Variants in CHAF1A observed in about 807,000 individuals in gnomAD.
CHAF1A encodes chromatin assembly factor 1 subunit A, also known as CAF-1 subunit A.
CHAF1A carries 5 observed loss-of-function variants against 93.2 expected under a neutral mutation model. That is an observed-to-expected ratio of 0.05 (90% CI 0.03 to 0.11). The LOEUF (loss-of-function observed/expected upper bound fraction) is 0.11, where lower values mean the gene tolerates loss of function less well. Among genes scored for constraint, CHAF1A ranks in the 10% least tolerant of loss-of-function variants. The pLI, the probability that CHAF1A is intolerant of heterozygous loss-of-function variation, is 1.00. For synonymous variants in CHAF1A, 504 were observed against 510.3 expected, an observed-to-expected ratio of 0.99 and a Z score of 0.17; for missense variants, 1,102 against 1,259.9, an observed-to-expected ratio of 0.87 and a Z score of 1.90.
At chr19:4,446,475 T>C, downstream of CHAF1A, 3 of 1,595,664 alleles carry the variant, frequency 1.9e-6, no homozygotes, top group Non-Finnish European at 2.6e-6. Context: ...CCCGCCCCAC[T>C]CTGCTCCGCG....
chr19:4,440,434 C>T lies in CHAF1A; in HGVS notation c.2674-1811C>T, dbSNP rs377613512. Among the ~76,000 whole-genome samples the T allele has an allele frequency of 3.3e-5, 5 of 151,406 alleles. No individual in the cohort carries two copies. In the South Asian group the frequency reaches 8.3e-4, roughly 25 times the overall value. ...AGCCTGGGCAACATAGTGACACCCCCTTGTCTCTACTTAAAAAAAAAAAAA... is the reference window on the plus strand; with the variant it reads ...AGCCTGGGCAACATAGTGACACCCCTTTGTCTCTACTTAAAAAAAAAAAAA... On this transcript the variant is annotated intron_variant, in intron 13 of 14. Coordinates refer to ENST00000301280, the MANE Select transcript of CHAF1A (RefSeq NM_005483.3).
rs1328847930 is a variant in CHAF1A at position 4,423,827 on chromosome 19, G to A, written c.1330G>A (p.Glu444Lys). Reference sequence around the variant, plus strand: ...ACAGCGCATTAAAGCAGAGAAGGCCGAAATCACGAGGTTCTTCCAGAAACC... The same window carrying A: ...ACAGCGCATTAAAGCAGAGAAGGCCAAAATCACGAGGTTCTTCCAGAAACC... ...EEKRIKAEKAEITRFFQKPKT... is the reference protein window; with the variant it reads ...EEKRIKAEKAKITRFFQKPKT... The change falls in exon 7 of 15, where the codon GAA (glutamate) becomes AAA (lysine). Residue 444 changes from glutamate to lysine, a missense_variant. Coordinates refer to ENST00000301280, the MANE Select transcript of CHAF1A (RefSeq NM_005483.3). The A allele has an allele frequency of 5.0e-6, 8 of 1,614,086 alleles. No homozygotes were observed. The highest frequency in any genetic ancestry group is 2.2e-5 in the East Asian group (1 of 44,878).
chr19:4,444,745 A>G (rs78869060), downstream of CHAF1A: 31,932 of 152,300 alleles, frequency 0.21, 3,742 homozygotes, highest in Admixed American at 0.28. Context: ...CCCTCTGGCC[A>G]CAGGGAAGCC....
chr19:4,423,780 C>G lies in CHAF1A; in HGVS notation c.1309-26C>G, dbSNP rs368194213. On this transcript the variant is annotated intron_variant, in intron 6 of 14. Transcript: ENST00000301280. Reference sequence around the variant, plus strand: ...TACTGTTCCTCTTCCTCTCCTCTTTCTCATCACCATCTCTTAACATCACAG... The same window carrying G: ...TACTGTTCCTCTTCCTCTCCTCTTTGTCATCACCATCTCTTAACATCACAG... The G allele has an allele frequency of 2.5e-6, 4 of 1,609,758 alleles. No homozygotes were observed. In the South Asian group the frequency reaches 4.4e-5, roughly 18 times the overall value.
intron 3 of CHAF1A, among the ~76,000 whole-genome samples, chr19:4,416,806 G>A (rs747345193): frequency 2.6e-4 from 40 of 152,054 alleles, no homozygotes; most frequent in Non-Finnish European, 3.7e-4. Flanking sequence ...CAGGAGAATC[G>A]CTTGAACTTG....
At chr19:4,437,683 C>A (rs1409391422) in intron 13 of CHAF1A, among the ~76,000 whole-genome samples, 2 of 152,048 alleles carry the variant, frequency 1.3e-5, no homozygotes, top group African/African-American at 4.8e-5. Context: ...TGGTGTACAT[C>A]CATATTTTTT....
intron 1 of CHAF1A, among the ~76,000 whole-genome samples, chr19:4,404,251 A>G (rs1201735193): frequency 6.6e-6 from 1 of 152,246 alleles, no homozygotes; most frequent in East Asian, 1.9e-4. Context: ...TAGTAACTTT[A>G]TACACACATA....
chr19:4,443,830 A>G (rs1485894099), downstream of CHAF1A, among the ~76,000 whole-genome samples: 7 of 152,286 alleles, frequency 4.6e-5, no homozygotes, highest in South Asian at 1.5e-3. Flanking sequence ...GAGGGAGGAC[A>G]GGCGACAGCC....
At chr19:4,441,278 C>A (rs1372474741) in intron 13 of CHAF1A, among the ~76,000 whole-genome samples, 1 of 152,082 alleles carries the variant, frequency 6.6e-6, no homozygotes, top group Admixed American at 6.6e-5. Flanking sequence ...GATCGCACCA[C>A]TGCACTCCAG....
chr19:4,403,370 GGGGTCTTTGGAGCCCACCACA>G lies in CHAF1A; in HGVS notation c.52+559_52+579del, dbSNP rs1599633173. Among the ~76,000 whole-genome samples, 3 of 152,320 alleles carry G rather than the reference GGGGTCTTTGGAGCCCACCACA, an allele frequency of 2.0e-5. No homozygotes were observed. In the East Asian group the frequency reaches 5.8e-4, roughly 29 times the overall value. On this transcript the variant is annotated intron_variant, in intron 1 of 14. Transcript: ENST00000301280. ...CTTCCTCCTCCGTGTGCCTTGGAAT[GGGGTCTTTGGAGCCCACCACA>G]GGCCTCCTGAAACGTGGGAGGGTGA...
downstream of CHAF1A, chr19:4,447,509 C>T (rs1193378542): frequency 5.6e-6 from 9 of 1,610,198 alleles, no homozygotes; most frequent in Non-Finnish European, 5.9e-6. Context: ...CAGCTGCCCC[C>T]ACCCCCAGCC....
chr19:4,439,769 T>C (rs1344919501), intron 13 of CHAF1A, among the ~76,000 whole-genome samples: 1 of 152,230 alleles, frequency 6.6e-6, no homozygotes, highest in African/African-American at 2.4e-5. Flanking sequence ...TAGGCCAGGC[T>C]CAGTGGCTCA....
intron 13 of CHAF1A, among the ~76,000 whole-genome samples, chr19:4,437,219 G>A (rs1429338657): frequency 1.3e-5 from 2 of 152,154 alleles, no homozygotes; most frequent in African/African-American, 2.4e-5. Flanking sequence ...TGCAGTTTGG[G>A]ACATAAACGT....
downstream of CHAF1A, chr19:4,445,289 G>A (rs554769753): frequency 1.2e-5 from 9 of 749,084 alleles, no homozygotes; most frequent in South Asian, 1.0e-4. Context: ...CCTCTCCCTC[G>A]GGGGCTTGGG....
rs200677191 is a variant in CHAF1A, at chr19:4,402,662, G to GGCGGCAGCA, written c.-95_-87dup. On this transcript the variant is annotated 5_prime_UTR_variant, in exon 1 of 15. Coordinates refer to ENST00000301280, the MANE Select transcript of CHAF1A (RefSeq NM_005483.3). ...CGCCAAATACGAGCGCGGCGGCCGC[G>GGCGGCAGCA]GCGGCAGCAGCGGCGCGGGCGGGAG... The GGCGGCAGCA allele has an allele frequency of 0.21, 140,770 of 682,592 alleles. 17,545 individuals are homozygous for GGCGGCAGCA. The highest frequency in any genetic ancestry group is 0.27 in the Admixed American group (5,655 of 20,588). The allele number at this position is 682,592 out of a possible 1,614,324, so 42.3% of individuals were successfully genotyped here. A position where few individuals can be genotyped will look rare whatever the true frequency, so the allele number is the denominator to read the frequency against.
chr19:4,423,488 C>G, intron 6 of CHAF1A, 93 bp downstream of exon 6: 2 of 1,597,162 alleles, frequency 1.3e-6, no homozygotes, highest in South Asian at 1.1e-5. Flanking sequence ...ACCTAATATT[C>G]TCTTGGTTTG....
chr19:4,446,630 C>T (rs770255930), downstream of CHAF1A: 36 of 1,612,430 alleles, frequency 2.2e-5, no homozygotes, highest in Admixed American at 4.7e-4. Flanking sequence ...CGCACGGGCT[C>T]CGCAGCCAGC....
chr19:4,444,289 C>A (rs1974455182), downstream of CHAF1A, among the ~76,000 whole-genome samples: 1 of 152,152 alleles, frequency 6.6e-6, no homozygotes, highest in East Asian at 1.9e-4. Flanking sequence ...ACCTGCATCC[C>A]CAAGTCAGCA....
At chr19:4,432,710 T>C (rs1011152997) in intron 12 of CHAF1A, among the ~76,000 whole-genome samples, 2 of 149,162 alleles carry the variant, frequency 1.3e-5, no homozygotes, top group African/African-American at 5.0e-5. Context: ...CAGTGAGCCA[T>C]GATCCTGCCA....
Sources: allele counts gnomAD v4.1 joint callset (sites outside exome capture counted in the v4.1 genomes callset), GRCh38; gene constraint gnomAD v4.1.1; transcripts MANE v1.5; gene names NCBI Gene and HGNC (gene_info 2026-07-23, HGNC 2026-07-21).